CD99L2: variants seen among roughly 807,000 people sequenced by gnomAD.
CD99L2 encodes the protein CD99 antigen-like protein 2.
Under a neutral mutation model 27.3 loss-of-function variants are expected in CD99L2, and 24 were observed. The ratio of observed to expected loss-of-function variants is 0.88; its 90% CI spans 0.64 to 1.24. The LOEUF is 1.24. Among genes scored for constraint, CD99L2 ranks in the 50% most tolerant of loss-of-function variants. The pLI, the probability that CD99L2 is intolerant of heterozygous loss-of-function variation, is 0.00. For synonymous variants in CD99L2, 97 were observed against 87.9 expected (o/e 1.10, Z -0.58); for missense variants, 255 against 221.6 (o/e 1.15, Z -0.96).
chrX:150,877,219 G>C (rs2047243915), intron 1 of CD99L2, among the ~76,000 whole-genome samples: 1 of 111,037 alleles, frequency 9.0e-6, no homozygotes, highest in Admixed American at 9.6e-5. Flanking sequence ...AATAGAAGCA[G>C]AGAGACCTTG....
intron 1 of CD99L2, among the ~76,000 whole-genome samples, chrX:150,896,009 T>C (rs1178158933): frequency 1.4e-5 from 1 of 71,412 alleles, no homozygotes. Context: ...CTGGGCGACA[T>C]AGCAAGACTC....
intron 1 of CD99L2, among the ~76,000 whole-genome samples, chrX:150,844,876 C>T (rs1414071502): frequency 3.6e-5 from 4 of 110,142 alleles, no homozygotes; most frequent in African/African-American, 1.3e-4. Context: ...GGTGACTCTT[C>T]CAGTCACCCA....
chrX:150,895,689 A>G (rs1430876576), intron 1 of CD99L2, among the ~76,000 whole-genome samples: 1 of 111,677 alleles, frequency 9.0e-6, no homozygotes, highest in Non-Finnish European at 1.9e-5. Flanking sequence ...CCCAGAGAAG[A>G]CCACCAATGC....
intron 1 of CD99L2, among the ~76,000 whole-genome samples, chrX:150,885,534 G>A (rs2047395721): frequency 8.9e-6 from 1 of 112,184 alleles, no homozygotes; most frequent in Non-Finnish European, 1.9e-5. Context: ...TTGGCATACT[G>A]TATTCTAACA....
At chrX:150,819,831 T>C (rs1557420626) in intron 2 of CD99L2, among the ~76,000 whole-genome samples, 2 of 112,141 alleles carry the variant, frequency 1.8e-5, no homozygotes, top group Non-Finnish European at 3.8e-5. Context: ...ACTAGACTTA[T>C]AGCAAGAGAT....
chrX:150,849,451 T>C (rs1406367679), intron 1 of CD99L2, among the ~76,000 whole-genome samples: 2 of 111,366 alleles, frequency 1.8e-5, no homozygotes, highest in Non-Finnish European at 3.8e-5. Context: ...TCCCAGCTAC[T>C]TGGGAGGCTG....
At chrX:150,817,296 G>A (rs1387561951) in intron 2 of CD99L2, among the ~76,000 whole-genome samples, 2 of 110,406 alleles carry the variant, frequency 1.8e-5, no homozygotes, top group Non-Finnish European at 3.8e-5. Flanking sequence ...CCCTTAAGTT[G>A]TATTATATAA....
intron 4 of CD99L2, among the ~76,000 whole-genome samples, chrX:150,811,811 T>C (rs1378504665): frequency 2.7e-5 from 3 of 111,193 alleles, no homozygotes; most frequent in African/African-American, 9.8e-5. Context: ...AAAAAAAACA[T>C]AGGAGAAAAT....
At chrX:150,824,381 AAAG>A (rs782780396) in intron 2 of CD99L2, among the ~76,000 whole-genome samples, 9,236 of 86,526 alleles carry the variant, frequency 0.11, 583 homozygotes, top group South Asian at 0.14. Flanking sequence ...GAAGAAGAAG[AAAG>A]AAGAAGAAGA....
chrX:150,822,581 T>C (rs1359511719), intron 2 of CD99L2, among the ~76,000 whole-genome samples: 1 of 111,927 alleles, frequency 8.9e-6, no homozygotes. Flanking sequence ...ATGAGGACTA[T>C]AGCTAATAAC....
At chrX:150,776,453 A>G (rs2043555470) in intron 8 of CD99L2, among the ~76,000 whole-genome samples, 160 bp from the exon 9 acceptor site, 1 of 111,889 alleles carries the variant, frequency 8.9e-6, no homozygotes, top group African/African-American at 3.2e-5. Context: ...CTACGGCATT[A>G]CAAAGACATG....
intron 2 of CD99L2, among the ~76,000 whole-genome samples, chrX:150,824,031 G>GGAGGAGGAAGAA (rs2046281581): frequency 1.2e-5 from 1 of 86,939 alleles, no homozygotes; most frequent in Non-Finnish European, 2.5e-5. Context: ...AGGAAGAGGA[G>GGAGGAGGAAGAA]GAGGAGGAGG....
At chrX:150,897,870 C>T (rs1259344018) in intron 1 of CD99L2, among the ~76,000 whole-genome samples, 1 of 110,688 alleles carries the variant, frequency 9.0e-6, no homozygotes, top group Non-Finnish European at 1.9e-5. Flanking sequence ...TTACAAGCTC[C>T]CAGGTGATGC....
At chrX:150,851,934 G>A (rs1557421614) in intron 1 of CD99L2, among the ~76,000 whole-genome samples, 1 of 112,002 alleles carries the variant, frequency 8.9e-6, no homozygotes, top group Non-Finnish European at 1.9e-5. Flanking sequence ...GCCATGTAAC[G>A]TCACATATTC....
chrX:150,825,132 T>C (rs782559084), intron 2 of CD99L2, among the ~76,000 whole-genome samples: 2 of 112,260 alleles, frequency 1.8e-5, no homozygotes, highest in African/African-American at 6.5e-5. Flanking sequence ...ATAACTTGTC[T>C]AAATGAGTTT....
chrX:150,867,376 G>A (rs1298640343), intron 1 of CD99L2, among the ~76,000 whole-genome samples: 3 of 111,377 alleles, frequency 2.7e-5, no homozygotes, highest in Admixed American at 9.5e-5. Flanking sequence ...CCCCTACTGC[G>A]CTCCAGCTTG....
rs1459836589 is a variant in CD99L2, at chrX:150,824,425, G to GAGAAGAAGAAGAAAGAAGAA, written c.130+6786_130+6805dup. Among the ~76,000 whole-genome samples the GAGAAGAAGAAGAAAGAAGAA allele has an allele frequency of 4.5e-4, 40 of 88,734 alleles. 2 individuals carry two copies. Among genetic ancestry groups the GAGAAGAAGAAGAAAGAAGAA allele is most frequent in the Middle Eastern group, 0.013 (2 of 155 alleles). 77.1% of individuals were successfully genotyped at this position (88,734 alleles called of 115,157 possible). A position where few individuals can be genotyped will look rare whatever the true frequency, so the allele number is the denominator to read the frequency against. ...AAAGAAGAAGAAAAGAAGAAGAAAA[G>GAGAAGAAGAAGAAAGAAGAA]AGAAGAAGAAGAAAGAAGAAAGAAG... On this transcript the variant is annotated intron_variant, in intron 2 of 10. Transcript: ENST00000370377.
chrX:150,892,687 A>G (rs1557422898), intron 1 of CD99L2, among the ~76,000 whole-genome samples: 3 of 109,366 alleles, frequency 2.7e-5, no homozygotes, highest in Non-Finnish European at 5.7e-5. Flanking sequence ...ACTCACAAGA[A>G]TGAAACCCAG....
intron 7 of CD99L2, among the ~76,000 whole-genome samples, chrX:150,778,224 G>A (rs1055834195): frequency 3.6e-5 from 4 of 110,460 alleles, no homozygotes; most frequent in African/African-American, 1.3e-4. Flanking sequence ...GCTACTCCCT[G>A]ACAAGCCACT....
Sources: allele counts gnomAD v4.1 joint callset (sites outside exome capture counted in the v4.1 genomes callset), GRCh38; gene constraint gnomAD v4.1.1; transcripts MANE v1.5; gene names NCBI Gene and HGNC (gene_info 2026-07-23, HGNC 2026-07-21).